Variants in ADGRA1 observed in about 807,000 individuals in gnomAD.
The protein encoded by ADGRA1 is adhesion G protein-coupled receptor A1.
A neutral mutation model predicts 21.3 loss-of-function variants in ADGRA1; 12 were observed. The observed-to-expected ratio is 0.56, with a 90% CI of 0.36 to 0.91. ADGRA1 has a LOEUF of 0.91. Among genes scored for constraint, ADGRA1 ranks in the 40% least tolerant of loss-of-function variants. The pLI is 0.01. For missense variants in ADGRA1, 790 were observed against 805.6 expected (o/e 0.98, Z 0.23); for synonymous variants, 385 against 368.8 (o/e 1.04, Z -0.50).
In ADGRA1 at chr10:133,127,271, G is replaced by A; in HGVS notation, c.440G>A (p.Cys147Tyr). 1 of 1,599,252 alleles carries A rather than the reference G, an allele frequency of 6.3e-7. No individual in the cohort carries two copies. The highest frequency in any genetic ancestry group is 8.5e-7 in the Non-Finnish European group (1 of 1,174,192). ...LVSGGVPFII[C>Y]GVTAATNIRN... ...AGCGGAGGGGTCCCCTTTATCATCT[G>A]TGGGGTCACGGCTGCCACGAACATC... Residue 147 changes from cysteine to tyrosine, a missense_variant, in exon 6 of 7, where the codon TGT becomes TAT. Cys to Tyr is a radical substitution (Grantham distance 194). This residue lies in a region of ADGRA1 where 382 missense variants were observed against 415.6 expected (regional missense o/e 0.92). Coordinates refer to ENST00000392607, the MANE Select transcript of ADGRA1 (RefSeq NM_001083909.3).
intron 6 of ADGRA1, 115 bp from the exon 7 acceptor site, chr10:133,128,214 A>G (rs1852419887): frequency 4.2e-6 from 3 of 717,152 alleles, no homozygotes; most frequent in South Asian, 2.2e-5. Context: ...CCCAAGCCGC[A>G]GCTGTGCAAA....
chr10:133,091,367 G>C (rs1322558009), intron 2 of ADGRA1, among the ~76,000 whole-genome samples: 1 of 152,048 alleles, frequency 6.6e-6, no homozygotes, highest in African/African-American at 2.4e-5. Flanking sequence ...GGTGTGGCTG[G>C]TGCAGTGTGG....
rs1305167560 is a variant in ADGRA1 at position 133,131,147 on chromosome 10, C to T, written c.*1636C>T. 1 of 152,182 alleles carries T rather than the reference C, an allele frequency of 6.6e-6. No homozygotes were observed. The highest frequency in any genetic ancestry group is 1.5e-5 in the Non-Finnish European group (1 of 68,046). The allele number at this position is 152,182 out of a possible 1,614,324, so 9.4% of individuals were successfully genotyped here. A position where few individuals can be genotyped will look rare whatever the true frequency, so the allele number is the denominator to read the frequency against. On this transcript the variant is annotated 3_prime_UTR_variant, in exon 7 of 7. Coordinates refer to ENST00000392607, the MANE Select transcript of ADGRA1 (RefSeq NM_001083909.3). ...AGCACCTGCTCGGTGGAAGGGCTCTCCGGAGACTGGCACTCAGTATCTGAG... is the reference window on the plus strand; with the variant it reads ...AGCACCTGCTCGGTGGAAGGGCTCTTCGGAGACTGGCACTCAGTATCTGAG...
intron 5 of ADGRA1, among the ~76,000 whole-genome samples, chr10:133,122,124 C>A (rs926575287): frequency 6.6e-6 from 1 of 152,188 alleles, no homozygotes. Flanking sequence ...TAAGGAGAGG[C>A]GCAGCATGGA....
At chr10:133,111,168 G>GCC (rs369399011) in intron 5 of ADGRA1, among the ~76,000 whole-genome samples, 2 of 135,540 alleles carry the variant, frequency 1.5e-5, no homozygotes, top group African/African-American at 3.0e-5. Flanking sequence ...CAGACCACCT[G>GCC]CCCGCCGTGA....
rs143079269 is a variant in ADGRA1, at chr10:133,100,341, C to T, written c.255+1578C>T. ...GCCATTGACGTCCCGCCTGTAAGTG[C>T]CTGCGAGAGGCCGTCACCATCACGT... On this transcript the variant is annotated intron_variant, in intron 4 of 6. Coordinates refer to ENST00000392607, the MANE Select transcript of ADGRA1 (RefSeq NM_001083909.3). 2.2e-4 allele frequency among the ~76,000 whole-genome samples: 33 copies of T among 152,388 alleles called. No individual in the cohort carries two copies. In the East Asian group the frequency reaches 2.9e-3, roughly 13 times the overall value.
At chr10:133,111,101 C>G (rs190013794) in intron 5 of ADGRA1, among the ~76,000 whole-genome samples, 1 of 151,666 alleles carries the variant, frequency 6.6e-6, no homozygotes, top group Non-Finnish European at 1.5e-5. Context: ...TGGGCAGCTC[C>G]CCTCCTAATC....
In ADGRA1 at chr10:133,122,158, G is replaced by A. The variant is rs892452022; in HGVS notation, c.402-5075G>A. On this transcript the variant is annotated intron_variant, in intron 5 of 6. Coordinates refer to ENST00000392607, the MANE Select transcript of ADGRA1 (RefSeq NM_001083909.3). The stretch of plus-strand genomic sequence containing the variant: ...GAGGCAGAGGCAGTGCTGCTCACCT[G>A]AGCCCAGGGACACAGTGTTGGTCTC... 3.9e-5 allele frequency among the ~76,000 whole-genome samples: 6 copies of A among 152,246 alleles called. No individual in the cohort carries two copies. The East Asian group carries it at 1.2e-3, about 29-fold the overall frequency.
chr10:133,102,402 A>AT, intron 4 of ADGRA1: 3 of 547,876 alleles, frequency 5.5e-6, no homozygotes, highest in Non-Finnish European at 7.0e-6. Context: ...CAGGGACCAC[A>AT]GCGGGTTGTG....
At chr10:133,099,023 A>G (rs1851740332) in intron 4 of ADGRA1, among the ~76,000 whole-genome samples, 1 of 152,100 alleles carries the variant, frequency 6.6e-6, no homozygotes, top group African/African-American at 2.4e-5. Context: ...CTGCCCGGGA[A>G]CAGGGACACA....
At chr10:133,102,976 T>C in intron 5 of ADGRA1, 134 bp downstream of exon 5, 1 of 991,992 alleles carries the variant, frequency 1.0e-6, no homozygotes, top group Non-Finnish European at 1.4e-6. Flanking sequence ...GGAGGGTCAG[T>C]GTTCCCAGGG....
At chr10:133,119,497 A>T (rs1852217982) in intron 5 of ADGRA1, among the ~76,000 whole-genome samples, 1 of 152,226 alleles carries the variant, frequency 6.6e-6, no homozygotes, top group Non-Finnish European at 1.5e-5. Flanking sequence ...CTTTACCCAC[A>T]GTGGAACTTC....
At position 133,102,756 on chromosome 10, in the gene ADGRA1, C is replaced by T. The variant is rs1171980323; in HGVS notation, c.315C>T (p.Ala105=). The T allele has an allele frequency of 6.2e-7, 1 of 1,612,822 alleles. No individual in the cohort carries two copies. The highest frequency in any genetic ancestry group is 1.1e-5 in the South Asian group (1 of 91,076). Residue 105 remains alanine (A), a synonymous_variant, in exon 5 of 7, where the codon GCC becomes GCT. Transcript: ENST00000392607. ...LSTMLWIGVT[A]RNIYKQVTKK... is the part of the protein sequence containing the mutation. The stretch of plus-strand genomic sequence containing the variant: ...CCATGCTGTGGATAGGAGTGACCGC[C>T]AGGAACATCTACAAGCAGGTGACCA...
intron 5 of ADGRA1, among the ~76,000 whole-genome samples, chr10:133,122,815 C>T (rs1469009860): frequency 7.0e-6 from 1 of 143,528 alleles, no homozygotes; most frequent in African/African-American, 2.8e-5. Context: ...GCACACGCAT[C>T]CCCAGGCACA....
chr10:133,096,857 C>T (rs1013620034), intron 2 of ADGRA1, 117 bp from the exon 3 acceptor site: 30 of 1,305,430 alleles, frequency 2.3e-5, no homozygotes, highest in East Asian at 4.8e-5. Context: ...AGACCCCACA[C>T]GAAAATGCCT....
chr10:133,095,144 G>A (rs753345653), intron 2 of ADGRA1, among the ~76,000 whole-genome samples: 2 of 152,160 alleles, frequency 1.3e-5, no homozygotes, highest in Non-Finnish European at 2.9e-5. Context: ...TGATCTCTGG[G>A]GGAAGCAGGA....
chr10:133,092,146 G>C (rs1591164835), intron 2 of ADGRA1, among the ~76,000 whole-genome samples: 1 of 152,340 alleles, frequency 6.6e-6, no homozygotes, highest in East Asian at 1.9e-4. Flanking sequence ...AGGTGGGAGG[G>C]GCCCGGGACG....
At chr10:133,107,416 G>A (rs942964906) in intron 5 of ADGRA1, among the ~76,000 whole-genome samples, 1 of 152,004 alleles carries the variant, frequency 6.6e-6, no homozygotes, top group African/African-American at 2.4e-5. Flanking sequence ...CTAGCTAAAG[G>A]TTTGCCAATT....
intron 2 of ADGRA1, chr10:133,093,117 G>T: frequency 6.3e-7 from 1 of 1,597,464 alleles, no homozygotes; most frequent in Non-Finnish European, 8.5e-7. Flanking sequence ...ACCTCACTGT[G>T]CAGGAAAGAA....
Sources: gnomAD v4.1 joint callset for allele counts (sites outside exome capture counted in the v4.1 genomes callset) on GRCh38, gnomAD v4.1.1 for gene constraint, gnomAD v4.1.1 regional missense constraint, MANE v1.5 for transcripts, NCBI Gene and HGNC (gene_info 2026-07-23, HGNC 2026-07-21) for gene names.